CFAP58: variants seen among roughly 807,000 people sequenced by gnomAD.
CFAP58 encodes the protein cilia- and flagella-associated protein 58.
In CFAP58, 88 loss-of-function variants were observed where a neutral mutation model predicts 119.5. The ratio of observed to expected loss-of-function variants is 0.74; its 90% CI spans 0.62 to 0.88. The LOEUF is 0.88. CFAP58 is among the 40% of genes least tolerant of loss of function. The probability of loss-of-function intolerance (pLI) is 0.00; values close to 1 mark genes in which losing one functional copy is unlikely to be tolerated. For missense variants in CFAP58, 990 were observed against 1,021.2 expected (o/e 0.97, Z 0.42); for synonymous variants, 365 against 366.3 (o/e 1.00, Z 0.04).
intron 6 of CFAP58, among the ~76,000 whole-genome samples, chr10:104,370,648 AC>A (rs1487433610): frequency 6.6e-6 from 1 of 152,226 alleles, no homozygotes; most frequent in Non-Finnish European, 1.5e-5. Flanking sequence ...GTAACTTGAA[AC>A]AAAATTTTTC....
intron 11 of CFAP58, among the ~76,000 whole-genome samples, chr10:104,397,047 C>T (rs2012175298): frequency 6.6e-6 from 1 of 152,198 alleles, no homozygotes; most frequent in South Asian, 2.1e-4. Context: ...CTTTTACACA[C>T]TGTTGATTGC....
chr10:104,392,472 C>T (rs575411845), intron 10 of CFAP58, 78 bp downstream of exon 10: 1 of 1,031,330 alleles, frequency 9.7e-7, no homozygotes, highest in African/African-American at 1.7e-5. Context: ...ATCCTAATGG[C>T]AGAATTTAGA....
At chr10:104,390,814 A>G (rs1046939287) in intron 9 of CFAP58, among the ~76,000 whole-genome samples, 1 of 152,206 alleles carries the variant, frequency 6.6e-6, no homozygotes, top group Non-Finnish European at 1.5e-5. Context: ...GGCACATGGA[A>G]CTATATATAA....
chr10:104,407,312 G>A (rs149005945), intron 15 of CFAP58, among the ~76,000 whole-genome samples: 6 of 152,190 alleles, frequency 3.9e-5, no homozygotes, highest in African/African-American at 1.4e-4. Flanking sequence ...CTTCCTCACT[G>A]CCATCATCAT....
Position 104,445,731 on chromosome 10 carries a change from G to T in CFAP58, c.2257-1967G>T, listed in dbSNP as rs547960755. 2.6e-5 allele frequency among the ~76,000 whole-genome samples: 4 copies of T among 152,310 alleles called. No homozygotes were observed. The East Asian group carries it at 5.8e-4, about 22-fold the overall frequency. On this transcript the variant is annotated intron_variant, in intron 15 of 17. Coordinates refer to ENST00000369704, the MANE Select transcript of CFAP58 (RefSeq NM_001008723.2). ...TATATCATCACTAGGTTTTTGACTT[G>T]CCAATGGACTGTGGAGGCACCATTA... is the stretch of plus-strand genomic sequence containing the variant.
chr10:104,421,639 A>G (rs753304138), intron 15 of CFAP58, among the ~76,000 whole-genome samples: 1 of 152,234 alleles, frequency 6.6e-6, no homozygotes, highest in Non-Finnish European at 1.5e-5. Context: ...GGTGGTATCC[A>G]TAGTGATTAG....
At position 104,366,002 on chromosome 10, in the gene CFAP58, G is replaced by A. The variant is rs2014741467; in HGVS notation, c.786G>A (p.Glu262=). 1.3e-6 allele frequency: 2 copies of A among 1,598,210 alleles called. No individual in the cohort carries two copies. Among genetic ancestry groups the A allele is most frequent in the Admixed American group, 1.8e-5 (1 of 56,956 alleles). ...AGAAGCTGGAGCAGCAGCTGAAGGA[G>A]CAGAAGGTGAGTTGGGTGTGGGTCT... ...ELQKLEQQLK[E]QKILNERAAK... The change falls in exon 5 of 18, where the codon GAG becomes GAA. Residue 262 remains glutamate, a synonymous_variant. Transcript: ENST00000369704.
At chr10:104,422,732 A>G (rs1032412796) in intron 15 of CFAP58, among the ~76,000 whole-genome samples, 76 of 152,318 alleles carry the variant, frequency 5.0e-4, no homozygotes, top group African/African-American at 1.8e-3. Context: ...CAAGGCAGCA[A>G]GAAAGGGCAA....
At chr10:104,409,960 C>T (rs998103877) in intron 15 of CFAP58, among the ~76,000 whole-genome samples, 14 of 151,922 alleles carry the variant, frequency 9.2e-5, no homozygotes, top group African/African-American at 3.4e-4. Context: ...TTCTATCAGA[C>T]TGAGTTTTCT....
chr10:104,406,927 C>T (rs146926389), intron 15 of CFAP58, 134 bp downstream of exon 15: 2 of 647,806 alleles, frequency 3.1e-6, no homozygotes, highest in Non-Finnish European at 5.4e-6. Flanking sequence ...GTGACTTACA[C>T]ATAAAGAACA....
intron 11 of CFAP58, 102 bp downstream of exon 11, chr10:104,393,577 G>C: frequency 2.7e-6 from 3 of 1,125,626 alleles, no homozygotes; most frequent in Non-Finnish European, 2.5e-6. Context: ...GAACAACCAC[G>C]CCTGCCTGTG....
intron 1 of CFAP58, among the ~76,000 whole-genome samples, chr10:104,358,136 CAT>C (rs368767413): frequency 1.4e-5 from 2 of 147,646 alleles, no homozygotes; most frequent in Admixed American, 6.7e-5. Context: ...TATATATACA[CAT>C]ATATATGTAC....
intron 15 of CFAP58, among the ~76,000 whole-genome samples, chr10:104,412,870 TG>T (rs1309238080): frequency 6.6e-6 from 1 of 152,234 alleles, no homozygotes; most frequent in Non-Finnish European, 1.5e-5. Flanking sequence ...GGGCAACTCC[TG>T]CCTACCCTTT....
chr10:104,443,085 T>C (rs961064655), intron 15 of CFAP58, among the ~76,000 whole-genome samples: 2 of 152,210 alleles, frequency 1.3e-5, no homozygotes, highest in Non-Finnish European at 2.9e-5. Flanking sequence ...GCGAGTTATA[T>C]AGAGAGAGAT....
intron 15 of CFAP58, among the ~76,000 whole-genome samples, chr10:104,408,697 A>G (rs1384004164): frequency 6.6e-6 from 1 of 151,782 alleles, no homozygotes; most frequent in Non-Finnish European, 1.5e-5. Context: ...CCCTCTATAT[A>G]CTCTGGGTTT....
intron 15 of CFAP58, among the ~76,000 whole-genome samples, chr10:104,422,049 C>T (rs574727213): frequency 4.2e-4 from 64 of 152,048 alleles, no homozygotes; most frequent in Non-Finnish European, 8.4e-4. Flanking sequence ...GAGCCAGGTG[C>T]GGTGGCACAC....
At position 104,399,433 on chromosome 10, in the gene CFAP58, G is replaced by A. The variant is rs2012222016; in HGVS notation, c.1748G>A (p.Arg583Lys). 6.2e-7 allele frequency: 1 copy of A among 1,613,814 alleles called. No homozygotes were observed. The highest frequency in any genetic ancestry group is 1.3e-5 in the African/African-American group (1 of 74,882). Residue 583 changes from arginine to lysine, a missense_variant, in exon 12 of 18, where the codon AGA becomes AAA. By Grantham distance (26) the Arg-to-Lys change is conservative. Transcript: ENST00000369704. ...ATTGAAAAGCAAGAAGCTGAAGAGAGAAAACTCCTGCGAATAATTGCTGAG... is the reference window on the plus strand; with the variant it reads ...ATTGAAAAGCAAGAAGCTGAAGAGAAAAAACTCCTGCGAATAATTGCTGAG... ...HFIEKQEAEE[R>K]KLLRIIAEAD...
At chr10:104,417,630 T>C (rs17755809) in intron 15 of CFAP58, among the ~76,000 whole-genome samples, 37,123 of 152,136 alleles carry the variant, frequency 0.24, 4,700 homozygotes, top group Non-Finnish European at 0.28. Flanking sequence ...CAGATAGATT[T>C]GGTGGAAGCT....
At chr10:104,413,222 T>C (rs534573114) in intron 15 of CFAP58, among the ~76,000 whole-genome samples, 1 of 152,284 alleles carries the variant, frequency 6.6e-6, no homozygotes, top group East Asian at 1.9e-4. Flanking sequence ...GGCCTTTGCG[T>C]TTTTTTATTG....
Sources: allele counts gnomAD v4.1 joint callset (sites outside exome capture counted in the v4.1 genomes callset), GRCh38; gene constraint gnomAD v4.1.1; transcripts MANE v1.5; gene names NCBI Gene and HGNC (gene_info 2026-07-23, HGNC 2026-07-21).